The following AJAP1 variants were observed in gnomAD, a reference collection of about 807,000 sequenced individuals.
AJAP1 encodes the protein adherens junction-associated protein 1.
A neutral mutation model predicts 35.0 loss-of-function variants in AJAP1; 5 were observed. The observed-to-expected ratio is 0.14, with a 90% CI of 0.07 to 0.30. AJAP1 has a LOEUF of 0.30. Among genes scored for constraint, AJAP1 ranks in the 10% least tolerant of loss-of-function variants. The pLI, the probability that AJAP1 is intolerant of heterozygous loss-of-function variation, is 1.00. For missense variants in AJAP1, 586 were observed against 571.0 expected (o/e 1.03, Z -0.27); for synonymous variants, 284 against 249.3 (o/e 1.14, Z -1.31).
intron 1 of AJAP1, among the ~76,000 whole-genome samples, chr1:4,660,960 T>C (rs1638986691): frequency 6.6e-6 from 1 of 152,246 alleles, no homozygotes; most frequent in African/African-American, 2.4e-5. Flanking sequence ...TTTTCTACCC[T>C]GGCTTATAGG....
intron 2 of AJAP1, among the ~76,000 whole-genome samples, chr1:4,768,906 G>A (rs751265237): frequency 1.6e-4 from 25 of 152,232 alleles, no homozygotes; most frequent in African/African-American, 2.7e-4. Flanking sequence ...GGCAGGAGCT[G>A]TTGCAGGCCT....
intron 2 of AJAP1, among the ~76,000 whole-genome samples, chr1:4,768,936 C>T (rs1201965458): frequency 6.6e-6 from 1 of 152,180 alleles, no homozygotes; most frequent in Non-Finnish European, 1.5e-5. Context: ...TTTCCCCAGT[C>T]CTGTGTCTGT....
intron 2 of AJAP1, among the ~76,000 whole-genome samples, chr1:4,763,778 CCTCTCTCCCTCAT>C (rs753594917): frequency 6.7e-6 from 1 of 149,642 alleles, no homozygotes; most frequent in Admixed American, 6.7e-5. Flanking sequence ...TCTCTTCCTC[CCTCTCTCCCTCAT>C]CTCTCTCCCT....
intron 2 of AJAP1, among the ~76,000 whole-genome samples, chr1:4,747,144 G>A (rs545757871): frequency 3.2e-4 from 49 of 152,316 alleles, no homozygotes; most frequent in African/African-American, 1.1e-3. Flanking sequence ...AGAGGAAGAG[G>A]TCCCACAGAG....
At chr1:4,776,987 AGGAGG>A (rs1217318341) in intron 5 of AJAP1, among the ~76,000 whole-genome samples, 2 of 152,232 alleles carry the variant, frequency 1.3e-5, no homozygotes, top group Non-Finnish European at 2.9e-5. Context: ...GCTGTGGACC[AGGAGG>A]GCTATGCACA....
intron 1 of AJAP1, among the ~76,000 whole-genome samples, chr1:4,673,028 C>T (rs1224271613): frequency 6.6e-6 from 1 of 152,148 alleles, no homozygotes; most frequent in East Asian, 1.9e-4. Flanking sequence ...CGAGGTGGGA[C>T]CTCTGTCCTA....
At chr1:4,735,688 C>T (rs1489400908) in intron 2 of AJAP1, among the ~76,000 whole-genome samples, 3 of 152,210 alleles carry the variant, frequency 2.0e-5, no homozygotes. Context: ...CCCTGCTCCT[C>T]TGCTCCCTGA....
chr1:4,662,193 T>C (rs768196178), intron 1 of AJAP1, among the ~76,000 whole-genome samples: 11 of 152,200 alleles, frequency 7.2e-5, no homozygotes, highest in Non-Finnish European at 1.3e-4. Context: ...TGGTCCAGTT[T>C]CAGCACGGTT....
chr1:4,673,890 G>A (rs1238321190), intron 1 of AJAP1, among the ~76,000 whole-genome samples: 2 of 151,882 alleles, frequency 1.3e-5, no homozygotes, highest in Admixed American at 6.6e-5. Context: ...CAGGGTCTCC[G>A]TGAAATGAAT....
intron 2 of AJAP1, among the ~76,000 whole-genome samples, chr1:4,766,861 C>T (rs1433394003): frequency 6.6e-6 from 1 of 152,000 alleles, no homozygotes; most frequent in Non-Finnish European, 1.5e-5. Flanking sequence ...CATCAGGCAC[C>T]CAGTTTGTCA....
intron 2 of AJAP1, among the ~76,000 whole-genome samples, chr1:4,742,219 C>G (rs897431644): frequency 6.6e-6 from 1 of 152,180 alleles, no homozygotes; most frequent in African/African-American, 2.4e-5. Flanking sequence ...ACCTCTGCCC[C>G]CTAGTGATCC....
rs1171854908 is a variant in AJAP1, at chr1:4,655,709, G to C, written c.29+255G>C. ...GCAGCGGCGCCCGCCCCAGCAACCC[G>C]GGAAGTGGGGCCGGCCAGGCGCGCC... On this transcript the variant is annotated intron_variant, in intron 1 of 5. Transcript: ENST00000378191. This position sits in a 1 kb window ranked among gnomAD's most constrained non-coding sequence, Gnocchi z 6.9. Among the ~76,000 whole-genome samples the C allele has an allele frequency of 6.6e-6, 1 of 150,872 alleles. No homozygotes were observed. Among genetic ancestry groups the C allele is most frequent in the Non-Finnish European group, 1.5e-5 (1 of 67,644 alleles).
chr1:4,696,956 G>A (rs1415705400), intron 1 of AJAP1, among the ~76,000 whole-genome samples: 1 of 152,124 alleles, frequency 6.6e-6, no homozygotes, highest in African/African-American at 2.4e-5. Context: ...TGTTCTGTGT[G>A]TATGTGTGTC....
intron 1 of AJAP1, among the ~76,000 whole-genome samples, chr1:4,706,893 A>G (rs1004274357): frequency 3.3e-5 from 5 of 152,234 alleles, no homozygotes; most frequent in Non-Finnish European, 7.3e-5. Flanking sequence ...AAACTAGAAA[A>G]TAAAGTGAGA....
At chr1:4,757,653 C>T (rs1032324308) in intron 2 of AJAP1, among the ~76,000 whole-genome samples, 2 of 152,190 alleles carry the variant, frequency 1.3e-5, no homozygotes, top group African/African-American at 4.8e-5. Flanking sequence ...CACAGGTGCA[C>T]TTGCATGAGT....
rs1638883213 is a variant in AJAP1 at position 4,656,407 on chromosome 1, G to C, written c.29+953G>C. Among the ~76,000 whole-genome samples, 3 of 152,236 alleles carry C rather than the reference G, an allele frequency of 2.0e-5. No individual in the cohort carries two copies. In the South Asian group the frequency reaches 6.2e-4, roughly 31 times the overall value. ...CATTTGGGTCCCGGGTTGGAACCGC[G>C]AGCGGGGAGGACAGAGGTGGAGGCG... is the stretch of plus-strand genomic sequence containing the variant. On this transcript the variant is annotated intron_variant, in intron 1 of 5. Coordinates refer to ENST00000378191, the MANE Select transcript of AJAP1 (RefSeq NM_018836.4). This position sits in a 1 kb window ranked among gnomAD's most constrained non-coding sequence, Gnocchi z 5.7.
rs533143872 is a variant in AJAP1 at position 4,775,674 on chromosome 1, G to T, written c.*59+1116G>T. Among the ~76,000 whole-genome samples the T allele has an allele frequency of 5.9e-5, 9 of 152,328 alleles. No individual in the cohort carries two copies. The South Asian group carries it at 1.9e-3, about 32-fold the overall frequency. On this transcript the variant is annotated intron_variant, in intron 5 of 5. Transcript: ENST00000378191. ...ATGTTTGCTCCAAATCAAATCTCCAGCCCTCACTCCCTACCCCGAAGCCAA... is the reference window on the plus strand; with the variant it reads ...ATGTTTGCTCCAAATCAAATCTCCATCCCTCACTCCCTACCCCGAAGCCAA...
intron 2 of AJAP1, among the ~76,000 whole-genome samples, chr1:4,722,466 G>A (rs1640541933): frequency 6.6e-6 from 1 of 152,230 alleles, no homozygotes; most frequent in African/African-American, 2.4e-5. Context: ...CGTCCTCTAT[G>A]TTCACACGCA....
intron 2 of AJAP1, among the ~76,000 whole-genome samples, chr1:4,754,759 C>T (rs530637331): frequency 2.6e-5 from 4 of 152,328 alleles, no homozygotes; most frequent in South Asian, 4.1e-4. Context: ...GGGACCCCAG[C>T]GCAAAGCAAG....
Sources: allele counts gnomAD v4.1 joint callset (sites outside exome capture counted in the v4.1 genomes callset), GRCh38; gene constraint gnomAD v4.1.1; non-coding constraint Gnocchi (gnomAD v3.1); transcripts MANE v1.5; gene names NCBI Gene and HGNC (gene_info 2026-07-23, HGNC 2026-07-21).